L3MBTL4: variants seen among roughly 807,000 people sequenced by gnomAD.
The protein encoded by L3MBTL4 is L3MBTL histone methyl-lysine binding protein 4.
In L3MBTL4, 70 loss-of-function variants were observed where a neutral mutation model predicts 84.5. The ratio of observed to expected loss-of-function variants is 0.83; its 90% CI spans 0.68 to 1.01. The LOEUF (loss-of-function observed/expected upper bound fraction) is 1.01. Among genes scored for constraint, L3MBTL4 ranks in the 50% least tolerant of loss-of-function variants. L3MBTL4 has a pLI of 0.00. For missense variants in L3MBTL4, 715 were observed against 754.8 expected (o/e 0.95, Z 0.62); for synonymous variants, 274 against 259.8 (o/e 1.05, Z -0.52).
At chr18:6,064,068 T>C (rs2057323331) in intron 16 of L3MBTL4, among the ~76,000 whole-genome samples, 1 of 152,192 alleles carries the variant, frequency 6.6e-6, no homozygotes, top group African/African-American at 2.4e-5. Flanking sequence ...TTCATTCTTC[T>C]ACATGTGGTT....
chr18:6,293,682 T>C (rs1173595618), intron 4 of L3MBTL4, among the ~76,000 whole-genome samples: 3 of 152,216 alleles, frequency 2.0e-5, no homozygotes, highest in Non-Finnish European at 4.4e-5. Flanking sequence ...TCCTCATAAA[T>C]GGGACATCCC....
At chr18:6,008,530 C>A (rs147445123) in intron 16 of L3MBTL4, among the ~76,000 whole-genome samples, 134 of 152,202 alleles carry the variant, frequency 8.8e-4, no homozygotes, top group African/African-American at 2.9e-3. Context: ...CGTGGCCTTT[C>A]CTAGGTGTGT....
Position 6,076,414 on chromosome 18 carries a change from G to T in L3MBTL4, c.1444+4467C>A, listed in dbSNP as rs61041020. Among the ~76,000 whole-genome samples the T allele has an allele frequency of 9.3e-3, 1,422 of 152,278 alleles. 25 individuals are homozygous for T. The highest frequency in any genetic ancestry group is 0.032 in the African/African-American group (1,350 of 41,552). ...AAACAGGGCAAAAGTAACTGAGAGT[G>T]AGCAAAATCAGAATAGTTACCCTGG... is the stretch of plus-strand genomic sequence containing the variant. On this transcript the variant is annotated intron_variant, in intron 16 of 18. Transcript: ENST00000317931.
At chr18:6,046,415 C>A (rs992399165) in intron 16 of L3MBTL4, among the ~76,000 whole-genome samples, 1 of 152,156 alleles carries the variant, frequency 6.6e-6, no homozygotes, top group Non-Finnish European at 1.5e-5. Context: ...ACCTAATAGG[C>A]ATCTACAGAA....
At chr18:6,257,650 T>C (rs558635035) in intron 5 of L3MBTL4, among the ~76,000 whole-genome samples, 120 of 146,856 alleles carry the variant, frequency 8.2e-4, no homozygotes, top group Middle Eastern at 3.4e-3. Context: ...TTTTTCTTTT[T>C]TTTTTTTTTT....
chr18:6,275,607 G>A (rs955027393), intron 4 of L3MBTL4, among the ~76,000 whole-genome samples: 4 of 152,166 alleles, frequency 2.6e-5, no homozygotes, highest in South Asian at 2.1e-4. Flanking sequence ...TGATGAGGAC[G>A]AGGCTCACAG....
At chr18:6,072,865 CAAAAAA>C (rs71370542) in intron 16 of L3MBTL4, among the ~76,000 whole-genome samples, 2 of 3,066 alleles carry the variant, frequency 6.5e-4, no homozygotes, top group Non-Finnish European at 7.6e-4. Flanking sequence ...GACTCCGTCT[CAAAAAA>C]AAAAAAAAAA....
chr18:6,215,471 G>A (rs2046284967), intron 11 of L3MBTL4, among the ~76,000 whole-genome samples: 1 of 152,160 alleles, frequency 6.6e-6, no homozygotes, highest in African/African-American at 2.4e-5. Flanking sequence ...AACCAGAAAT[G>A]TAAGGAATGG....
At chr18:6,119,716 G>A (rs1393738907) in intron 14 of L3MBTL4, among the ~76,000 whole-genome samples, 1 of 152,102 alleles carries the variant, frequency 6.6e-6, no homozygotes, top group Non-Finnish European at 1.5e-5. Context: ...ATGTGTCCCA[G>A]GTTTAATTCA....
Position 6,171,910 on chromosome 18 carries a change from G to A in L3MBTL4, c.1014C>T (p.Asp338=). 1 of 1,555,624 alleles carries A rather than the reference G, an allele frequency of 6.4e-7. No homozygotes were observed. Among genetic ancestry groups the A allele is most frequent in the South Asian group, 1.2e-5 (1 of 84,212 alleles). The change falls in exon 13 of 19, where the codon GAC becomes GAT. Residue 338 remains aspartate, a synonymous_variant. Transcript: ENST00000317931. ...VHFDGWDHKY[D]YWVEADSPDI... ...CAGGGCTGTCTGCCTCCACCCAGTA[G>A]TCATACTTATGGTCCCAACCATCAA...
chr18:6,180,961 C>T (rs1007518593), intron 12 of L3MBTL4, among the ~76,000 whole-genome samples: 1 of 152,190 alleles, frequency 6.6e-6, no homozygotes, highest in Admixed American at 6.5e-5. Context: ...GAACGACGTT[C>T]TGACATGCTA....
intron 16 of L3MBTL4, among the ~76,000 whole-genome samples, chr18:6,077,678 C>T (rs933906481): frequency 1.3e-5 from 2 of 151,814 alleles, no homozygotes; most frequent in African/African-American, 4.8e-5. Context: ...TATAACCTCC[C>T]CTCATAGAAG....
chr18:6,092,568 G>A (rs1598723394), intron 15 of L3MBTL4, among the ~76,000 whole-genome samples: 1 of 152,194 alleles, frequency 6.6e-6, no homozygotes, highest in South Asian at 2.1e-4. Context: ...TTTGCCTGTG[G>A]CAGGGTCAGG....
chr18:6,349,345 C>T lies in L3MBTL4; in HGVS notation c.-90-37289G>A, dbSNP rs574447846. Among the ~76,000 whole-genome samples the T allele has an allele frequency of 2.0e-5, 3 of 152,200 alleles. No individual in the cohort carries two copies. The East Asian group carries it at 5.8e-4, about 29-fold the overall frequency. On this transcript the variant is annotated intron_variant, in intron 1 of 18. Coordinates refer to ENST00000317931, the MANE Select transcript of L3MBTL4 (RefSeq NM_001330559.2). ...TGTGGTGTATTCATACAATAAAATACTACAGAAAAAATTTTTAAACTACTG... is the reference window on the plus strand; with the variant it reads ...TGTGGTGTATTCATACAATAAAATATTACAGAAAAAATTTTTAAACTACTG...
chr18:6,404,197 G>A (rs12959552), intron 1 of L3MBTL4, among the ~76,000 whole-genome samples: 2 of 152,072 alleles, frequency 1.3e-5, no homozygotes, highest in African/African-American at 2.4e-5. Context: ...CACCACTAAA[G>A]AACTTACCCA....
At chr18:6,193,568 C>T (rs550180012) in intron 12 of L3MBTL4, among the ~76,000 whole-genome samples, 19 of 152,288 alleles carry the variant, frequency 1.2e-4, no homozygotes, top group Admixed American at 3.3e-4. Context: ...CAAGGCAAAG[C>T]GTGGAGAGCC....
chr18:6,185,959 T>TA lies in L3MBTL4; in HGVS notation c.982-14018_982-14017insT, dbSNP rs2044707908. Among the ~76,000 whole-genome samples the TA allele has an allele frequency of 4.4e-4, 59 of 134,900 alleles. 1 individual carries two copies. Among genetic ancestry groups the TA allele is most frequent in the African/African-American group, 1.6e-3 (47 of 30,276 alleles). 88.5% of individuals were successfully genotyped at this position (134,900 alleles called of 152,430 possible). ...GAAGTGAAAACCAAAAAGGGCACTT[T>TA]CTTTATTTTATTTTATTTTATTTTA... On this transcript the variant is annotated intron_variant, in intron 12 of 18. Coordinates refer to ENST00000317931, the MANE Select transcript of L3MBTL4 (RefSeq NM_001330559.2).
intron 12 of L3MBTL4, among the ~76,000 whole-genome samples, chr18:6,210,412 G>A (rs1379860989): frequency 1.3e-5 from 2 of 152,210 alleles, no homozygotes; most frequent in African/African-American, 2.4e-5. Context: ...TTAGAACACA[G>A]AGTAGGAAGA....
intron 1 of L3MBTL4, among the ~76,000 whole-genome samples, chr18:6,315,043 G>C (rs1173532794): frequency 2.6e-5 from 4 of 152,090 alleles, no homozygotes; most frequent in African/African-American, 9.7e-5. Flanking sequence ...GTACCATATA[G>C]GTAAGAAATA....
Sources: allele counts gnomAD v4.1 joint callset (sites outside exome capture counted in the v4.1 genomes callset), GRCh38; gene constraint gnomAD v4.1.1; transcripts MANE v1.5; gene names NCBI Gene and HGNC (gene_info 2026-07-23, HGNC 2026-07-21).